Variants in PPFIA2 observed in about 807,000 individuals in gnomAD.
PPFIA2 encodes liprin-alpha-2.
A neutral mutation model predicts 175.5 loss-of-function variants in PPFIA2; 46 were observed. The observed-to-expected ratio is 0.26, with a 90% CI of 0.21 to 0.34. The LOEUF is 0.34. Among genes scored for constraint, PPFIA2 ranks in the 10% least tolerant of loss-of-function variants. The pLI is 1.00. For synonymous variants in PPFIA2, 568 were observed against 511.4 expected, an observed-to-expected ratio of 1.11 and a Z score of -1.49; for missense variants, 1,179 against 1,506.1, an observed-to-expected ratio of 0.78 and a Z score of 3.60.
At chr12:81,681,581 C>A (rs556230703) in intron 3 of PPFIA2, among the ~76,000 whole-genome samples, 35 of 152,038 alleles carry the variant, frequency 2.3e-4, no homozygotes, top group African/African-American at 7.5e-4. Flanking sequence ...TCCCTGGCCT[C>A]CTGCTTCAAG....
At chr12:81,408,617 C>A (rs1053814743) in intron 7 of PPFIA2, among the ~76,000 whole-genome samples, 9 of 151,950 alleles carry the variant, frequency 5.9e-5, no homozygotes, top group East Asian at 1.9e-4. Flanking sequence ...AAAAAATAAT[C>A]AAAAAATCAA....
intron 4 of PPFIA2, among the ~76,000 whole-genome samples, chr12:81,485,416 A>C (rs1025823690): frequency 1.3e-4 from 19 of 151,724 alleles, no homozygotes; most frequent in African/African-American, 3.4e-4. Context: ...TTAACCTATA[A>C]GTTAGTTGCA....
intron 9 of PPFIA2, among the ~76,000 whole-genome samples, chr12:81,380,351 A>G (rs577785964): frequency 6.6e-6 from 1 of 152,268 alleles, no homozygotes; most frequent in East Asian, 1.9e-4. Context: ...ACAACAGAGC[A>G]AGACTCTTTC....
intron 17 of PPFIA2, among the ~76,000 whole-genome samples, chr12:81,349,081 C>T (rs1322157040): frequency 6.6e-6 from 1 of 152,126 alleles, no homozygotes; most frequent in Non-Finnish European, 1.5e-5. Context: ...TGTACGTTTA[C>T]TATGGGAAGT....
intron 8 of PPFIA2, among the ~76,000 whole-genome samples, chr12:81,392,983 C>A (rs970045735): frequency 6.6e-6 from 1 of 151,956 alleles, no homozygotes; most frequent in Non-Finnish European, 1.5e-5. Flanking sequence ...CATTGTCACC[C>A]TTGTCTGGGT....
intron 4 of PPFIA2, among the ~76,000 whole-genome samples, chr12:81,510,564 T>C (rs751336999): frequency 3.3e-5 from 5 of 152,208 alleles, no homozygotes; most frequent in South Asian, 4.1e-4. Flanking sequence ...ATGAGATAGG[T>C]TCTATGATTG....
intron 7 of PPFIA2, among the ~76,000 whole-genome samples, chr12:81,417,842 T>C (rs1483427957): frequency 6.6e-6 from 1 of 151,848 alleles, no homozygotes; most frequent in African/African-American, 2.4e-5. Context: ...GTGATAATTC[T>C]ATTTGTCTCC....
At chr12:81,274,470 A>C (rs916668550) in intron 28 of PPFIA2, among the ~76,000 whole-genome samples, 2 of 152,200 alleles carry the variant, frequency 1.3e-5, no homozygotes, top group Admixed American at 1.3e-4. Flanking sequence ...GGTAAAGACA[A>C]ATAAAGCATT....
intron 4 of PPFIA2, among the ~76,000 whole-genome samples, chr12:81,480,271 G>C (rs1003846258): frequency 1.3e-5 from 2 of 151,934 alleles, no homozygotes; most frequent in African/African-American, 4.8e-5. Context: ...GGTCATTTAT[G>C]TTCTTCTCTA....
At chr12:81,698,293 T>C (rs1409286941) in intron 3 of PPFIA2, among the ~76,000 whole-genome samples, 2 of 152,126 alleles carry the variant, frequency 1.3e-5, no homozygotes, top group South Asian at 2.1e-4. Context: ...GAGGGTTTTG[T>C]CCTCATAAAT....
At chr12:81,633,658 A>G (rs537227489) in intron 4 of PPFIA2, among the ~76,000 whole-genome samples, 1 of 152,180 alleles carries the variant, frequency 6.6e-6, no homozygotes, top group Non-Finnish European at 1.5e-5. Flanking sequence ...CAGGCAGGAG[A>G]AATTTTATGA....
At chr12:81,696,476 G>A (rs2075906056) in intron 3 of PPFIA2, among the ~76,000 whole-genome samples, 1 of 152,074 alleles carries the variant, frequency 6.6e-6, no homozygotes, top group African/African-American at 2.4e-5. Flanking sequence ...CTGACATATT[G>A]CATATTTGCA....
intron 8 of PPFIA2, among the ~76,000 whole-genome samples, chr12:81,388,073 G>A (rs2039363548): frequency 1.3e-5 from 2 of 152,144 alleles, no homozygotes; most frequent in South Asian, 4.1e-4. Flanking sequence ...CAAAATACAG[G>A]AGTTCTATGT....
intron 4 of PPFIA2, among the ~76,000 whole-genome samples, chr12:81,648,801 A>G (rs2066566372): frequency 6.6e-6 from 1 of 152,108 alleles, no homozygotes; most frequent in South Asian, 2.1e-4. Flanking sequence ...TTACAGATCA[A>G]TGGAAAAGAA....
At chr12:81,375,712 G>T in intron 10 of PPFIA2, 84 bp downstream of exon 10, 1 of 1,355,324 alleles carries the variant, frequency 7.4e-7, no homozygotes, top group Non-Finnish European at 1.0e-6. Flanking sequence ...CATCTGTCAA[G>T]AAGTACCCTA....
intron 22 of PPFIA2, chr12:81,312,376 A>G (rs1245797862): frequency 3.5e-6 from 2 of 568,080 alleles, no homozygotes; most frequent in Non-Finnish European, 3.1e-6. Flanking sequence ...GGCTGAGGGT[A>G]GTTCTAATAG....
chr12:81,400,691 A>C (rs974880194), intron 8 of PPFIA2, among the ~76,000 whole-genome samples: 2 of 152,168 alleles, frequency 1.3e-5, no homozygotes, highest in African/African-American at 4.8e-5. Context: ...TGTCAGATTC[A>C]AAGAGGAGAG....
At chr12:81,648,205 A>G (rs1192110210) in intron 4 of PPFIA2, among the ~76,000 whole-genome samples, 1 of 151,858 alleles carries the variant, frequency 6.6e-6, no homozygotes, top group Non-Finnish European at 1.5e-5. Flanking sequence ...AAGACAAATT[A>G]ATAAAATTAA....
intron 3 of PPFIA2, among the ~76,000 whole-genome samples, chr12:81,707,689 T>C (rs1481544381): frequency 6.6e-6 from 1 of 150,998 alleles, no homozygotes; most frequent in Admixed American, 6.6e-5. Context: ...CCCAAAGGAC[T>C]ATAAATCATG....
Sources: allele counts gnomAD v4.1 joint callset (sites outside exome capture counted in the v4.1 genomes callset), GRCh38; gene constraint gnomAD v4.1.1; transcripts MANE v1.5; gene names NCBI Gene and HGNC (gene_info 2026-07-23, HGNC 2026-07-21).